Variants in BUD23 observed in about 807,000 individuals in gnomAD.
BUD23 encodes BUD23 rRNA methyltransferase and ribosome maturation factor.
In BUD23, 34 loss-of-function variants were observed where a neutral mutation model predicts 47.0. That is an observed-to-expected ratio of 0.72 (90% CI 0.55 to 0.96). BUD23 has a LOEUF of 0.96. Among genes scored for constraint, BUD23 ranks in the 40% least tolerant of loss-of-function variants. The pLI is 0.00. For missense variants in BUD23, 343 were observed against 361.2 expected, an observed-to-expected ratio of 0.95 and a Z score of 0.41; for synonymous variants, 124 against 132.0, an observed-to-expected ratio of 0.94 and a Z score of 0.41.
Position 73,697,654 on chromosome 7 carries a change from T to C in BUD23, c.751T>C (p.Trp251Arg), listed in dbSNP as rs782504979. ...RRGMVRKSRAWVLEKKERHRR... is the reference protein window; with the variant it reads ...RRGMVRKSRARVLEKKERHRR... ...GGGAATGGTGAGGAAGAGTCGGGCA[T>C]GGGTGCTGGAGAAGAAGGAGCGGCA... Residue 251 changes from tryptophan (W) to arginine (R), a missense_variant, in exon 11 of 12, where the codon TGG (tryptophan) becomes CGG (arginine). By Grantham distance (101) the Trp-to-Arg change is moderately radical (BLOSUM62 -3). Coordinates refer to ENST00000265758, the MANE Select transcript of BUD23 (RefSeq NM_017528.5). 9 of 1,613,404 alleles carry C rather than the reference T, an allele frequency of 5.6e-6. No homozygotes were observed. In the East Asian group the frequency reaches 2.0e-4, roughly 36 times the overall value.
rs186887052 is a variant in BUD23, at chr7:73,684,280, T to A, written c.86+476T>A. Among the ~76,000 whole-genome samples, 3 of 152,116 alleles carry A rather than the reference T, an allele frequency of 2.0e-5. No individual in the cohort carries two copies. The East Asian group carries it at 5.8e-4, about 30-fold the overall frequency. ...GTGGGAGTGGCTCACGCGTGTAATC[T>A]CAGCAATCGCAGCACTTTGGGAGGC... On this transcript the variant is annotated intron_variant, in intron 2 of 11. Transcript: ENST00000265758.
At chr7:73,685,679 A>T (rs1421732138) in intron 2 of BUD23, among the ~76,000 whole-genome samples, 1 of 152,114 alleles carries the variant, frequency 6.6e-6, no homozygotes, top group African/African-American at 2.4e-5. Flanking sequence ...CTGGGATTAT[A>T]GGCGTGAGCC....
rs1554614484 is a variant in BUD23, at chr7:73,693,997, G to A, written c.648G>A (p.Leu216=). The change falls in exon 10 of 12, where the codon CTG becomes CTA. Residue 216 remains leucine, a synonymous_variant. Transcript: ENST00000265758. ...SGPSTFIPEG[L]SENQDEVEPR... ...GTGCACTTTGGTTCCTGCAGGGGCT[G>A]AGTGAAAATCAGGATGAAGTTGAAC... 13 of 1,612,496 alleles carry A rather than the reference G, an allele frequency of 8.1e-6. No individual in the cohort carries two copies. The highest frequency in any genetic ancestry group is 1.3e-5 in the African/African-American group (1 of 74,800).
chr7:73,684,464 T>G (rs1797859766), intron 2 of BUD23, among the ~76,000 whole-genome samples: 1 of 151,682 alleles, frequency 6.6e-6, no homozygotes, highest in Non-Finnish European at 1.5e-5. Context: ...TACGCCTGGC[T>G]TTTTTTTGTA....
chr7:73,694,200 C>A, intron 10 of BUD23, 150 bp downstream of exon 10: 2 of 832,128 alleles, frequency 2.4e-6, no homozygotes, highest in Non-Finnish European at 3.6e-6. Flanking sequence ...CCCATTTGGA[C>A]TGTGCCTGTT....
At chr7:73,687,221 C>A in intron 5 of BUD23, 126 bp downstream of exon 5, 1 of 956,044 alleles carries the variant, frequency 1.0e-6, no homozygotes, top group Non-Finnish European at 1.6e-6. Flanking sequence ...TTCAGGTGAT[C>A]TGCCCACCTC....
intron 9 of BUD23, 81 bp from the exon 10 acceptor site, chr7:73,693,911 C>G (rs1260281322): frequency 5.7e-6 from 9 of 1,567,414 alleles, no homozygotes; most frequent in Admixed American, 1.8e-5. Flanking sequence ...AAGGGTCAGG[C>G]CTGGGTGCCT....
chr7:73,692,131 C>T (rs1001172826), intron 6 of BUD23, among the ~76,000 whole-genome samples: 1 of 152,080 alleles, frequency 6.6e-6, no homozygotes, highest in East Asian at 1.9e-4. Context: ...CCTATCTGGC[C>T]GCTGGTCTTG....
intron 10 of BUD23, 31 bp from the exon 11 acceptor site, chr7:73,697,574 C>A: frequency 6.2e-7 from 1 of 1,613,218 alleles, no homozygotes; most frequent in Non-Finnish European, 8.5e-7. Context: ...CATCAGCTGT[C>A]CATCAGCTCA....
At chr7:73,688,720 G>A (rs1459325716) in intron 5 of BUD23, among the ~76,000 whole-genome samples, 1 of 152,180 alleles carries the variant, frequency 6.6e-6, no homozygotes, top group Non-Finnish European at 1.5e-5. Flanking sequence ...TTTTGGTGTG[G>A]TGTGGGAGTG....
At chr7:73,697,097 G>A (rs560535839) in intron 10 of BUD23, 56 of 273,214 alleles carry the variant, frequency 2.0e-4, no homozygotes, top group African/African-American at 3.5e-4. Context: ...TGGTTTCTAC[G>A]GATGGTCACA....
chr7:73,688,342 C>T (rs1554613458), intron 5 of BUD23, among the ~76,000 whole-genome samples: 1 of 152,096 alleles, frequency 6.6e-6, no homozygotes, highest in African/African-American at 2.4e-5. Context: ...GACAGAGCAA[C>T]ACTTCATCTC....
At chr7:73,695,871 C>T (rs954197009) in intron 10 of BUD23, 4 of 152,306 alleles carry the variant, frequency 2.6e-5, no homozygotes, top group South Asian at 2.1e-4. Flanking sequence ...TTGTGCTCCC[C>T]GCTCATGTTG....
At chr7:73,688,131 C>T (rs2116678759) in intron 5 of BUD23, among the ~76,000 whole-genome samples, 1 of 152,044 alleles carries the variant, frequency 6.6e-6, no homozygotes, top group African/African-American at 2.4e-5. Context: ...CTCCTGACCT[C>T]ATGATCCGCC....
chr7:73,685,098 G>C (rs1163373372), intron 2 of BUD23, among the ~76,000 whole-genome samples: 4 of 152,104 alleles, frequency 2.6e-5, no homozygotes, highest in South Asian at 4.2e-4. Flanking sequence ...CCTGAGGTCA[G>C]GAATTCCGAG....
intron 5 of BUD23, among the ~76,000 whole-genome samples, chr7:73,687,305 T>G (rs1350525230): frequency 6.6e-6 from 1 of 151,914 alleles, no homozygotes; most frequent in Non-Finnish European, 1.5e-5. Context: ...TGAGATGGAG[T>G]CTTGCTCTGT....
chr7:73,688,476 C>T (rs373668818), intron 5 of BUD23, among the ~76,000 whole-genome samples: 52 of 152,312 alleles, frequency 3.4e-4, no homozygotes, highest in African/African-American at 1.3e-3. Flanking sequence ...TAGTCTCTAG[C>T]GGCCATTTTA....
At chr7:73,684,603 T>TAA (rs75702804) in intron 2 of BUD23, among the ~76,000 whole-genome samples, 97 of 63,858 alleles carry the variant, frequency 1.5e-3, no homozygotes, top group Non-Finnish European at 2.2e-3. Context: ...CTCGAGTCGT[T>TAA]AAAAAAAAAA....
At position 73,686,855 on chromosome 7, in the gene BUD23, G is replaced by A. The variant is rs782505222; in HGVS notation, c.220G>A (p.Glu74Lys). 3 of 1,614,228 alleles carry A rather than the reference G, an allele frequency of 1.9e-6. No homozygotes were observed. Among genetic ancestry groups the A allele is most frequent in the Non-Finnish European group, 8.5e-7 (1 of 1,180,044 alleles). The change falls in exon 4 of 12, where the codon GAA becomes AAA. Residue 74 changes from glutamate (E) to lysine (K), a missense_variant. Coordinates refer to ENST00000265758, the MANE Select transcript of BUD23 (RefSeq NM_017528.5). ...GCTGAGTGGAAGTTATCTGTCAGAT[G>A]AAGGGCACTATTGGGTGGGCCTGGA... ...TGLSGSYLSDEGHYWVGLDIS... is the reference protein window; with the variant it reads ...TGLSGSYLSDKGHYWVGLDIS...
Sources: allele counts gnomAD v4.1 joint callset (sites outside exome capture counted in the v4.1 genomes callset), GRCh38; gene constraint gnomAD v4.1.1; transcripts MANE v1.5; gene names NCBI Gene and HGNC (gene_info 2026-07-23, HGNC 2026-07-21).